Variants in LMF1 observed in about 807,000 individuals in gnomAD.
LMF1 encodes the protein lipase maturation factor 1.
Under a neutral mutation model 60.6 loss-of-function variants are expected in LMF1, and 68 were observed. That is an observed-to-expected ratio of 1.12 (90% CI 0.92 to 1.37). The LOEUF is 1.37. Ranked by LOEUF, LMF1 falls within the 40% of genes most tolerant of loss-of-function variation. The pLI is 0.00. For missense variants in LMF1, 948 were observed against 767.2 expected (o/e 1.24, Z -2.78); for synonymous variants, 418 against 324.7 (o/e 1.29, Z -3.09).
At chr16:856,524 C>G (rs528132376) in intron 10 of LMF1, among the ~76,000 whole-genome samples, 1 of 152,210 alleles carries the variant, frequency 6.6e-6, no homozygotes, top group African/African-American at 2.4e-5. Context: ...CTGGGAAGGC[C>G]TCCTGCAGTG....
At chr16:925,650 A>C (rs2071571676) in intron 3 of LMF1, among the ~76,000 whole-genome samples, 1 of 152,144 alleles carries the variant, frequency 6.6e-6, no homozygotes, top group Non-Finnish European at 1.5e-5. Flanking sequence ...TGGGAGGATC[A>C]CTTGAGTCTG....
At chr16:925,184 A>C (rs2071559924) in intron 3 of LMF1, among the ~76,000 whole-genome samples, 1 of 152,242 alleles carries the variant, frequency 6.6e-6, no homozygotes, top group Non-Finnish European at 1.5e-5. Flanking sequence ...AGCAGATGCC[A>C]CCAAACATCC....
Position 854,552 on chromosome 16 carries a change from G to A in LMF1, c.1684C>T (p.Pro562Ser). 3.1e-6 allele frequency: 5 copies of A among 1,608,268 alleles called. No individual in the cohort carries two copies. The highest frequency in any genetic ancestry group is 1.3e-5 in the African/African-American group (1 of 74,972). Residue 562 changes from proline to serine, a missense_variant, in exon 11 of 11, where the codon CCT (proline) becomes TCT (serine). Physicochemically the swap from Pro to Ser is moderately conservative, Grantham distance 74. Coordinates refer to ENST00000262301, the MANE Select transcript of LMF1 (RefSeq NM_022773.4). ...CACGTCTAGAGGGGCCCGGGCAGAG[G>A]CCACCCACGGTCCCTGAAGTAGGGC... ...LRPYFRDRGW[P>S]LPGPL is the part of the protein sequence containing the mutation.
At chr16:976,680 C>G (rs1309926430) in intron 1 of LMF1, 1 of 454,116 alleles carries the variant, frequency 2.2e-6, no homozygotes, top group Non-Finnish European at 4.4e-6. Context: ...CGGATAGGCC[C>G]AGCCAGAAGC....
intron 3 of LMF1, among the ~76,000 whole-genome samples, chr16:918,197 A>G (rs1339648721): frequency 6.6e-6 from 1 of 152,186 alleles, no homozygotes; most frequent in African/African-American, 2.4e-5. Context: ...GGACTGTTAC[A>G]TATTTTAAGG....
chr16:858,982 G>GGTGTGCAGTGGTGTCACGGGACGC (rs1555439660), intron 10 of LMF1, among the ~76,000 whole-genome samples: 460 of 10,824 alleles, frequency 0.042, 169 homozygotes, highest in Middle Eastern at 0.21. Context: ...TCACGGGACG[G>GGTGTGCAGTGGTGTCACGGGACGC]GTGTGCAGTG....
intron 3 of LMF1, chr16:933,752 G>A: frequency 2.8e-6 from 1 of 357,960 alleles, no homozygotes. Context: ...TCCCGGCCCT[G>A]TCCTGTCCAC....
chr16:935,522 G>T (rs937858431), intron 2 of LMF1, among the ~76,000 whole-genome samples: 28 of 150,930 alleles, frequency 1.9e-4, no homozygotes, highest in African/African-American at 5.9e-4. Flanking sequence ...AAGAAAAATT[G>T]TCTTGGGCCA....
Position 870,186 on chromosome 16 carries a change from C to T in LMF1, c.1233-120G>A, listed in dbSNP as rs2069740846. On this transcript the variant is annotated intron_variant, in intron 8 of 10. Transcript: ENST00000262301. ...GGCCCAGGGGGAGGGCTACAGCCTCCACCTGCCTCCTGGTCAGGGGCTACT... is the reference window on the plus strand; with the variant it reads ...GGCCCAGGGGGAGGGCTACAGCCTCTACCTGCCTCCTGGTCAGGGGCTACT... 23 of 1,143,488 alleles carry T rather than the reference C, an allele frequency of 2.0e-5. 1 individual carries two copies. Among genetic ancestry groups the T allele is most frequent in the South Asian group, 2.0e-4 (13 of 66,018 alleles). 70.8% of individuals were successfully genotyped at this position (1,143,488 alleles called of 1,614,324 possible).
intron 3 of LMF1, among the ~76,000 whole-genome samples, chr16:922,015 AGC>A (rs913486853): frequency 6.6e-6 from 1 of 152,154 alleles, no homozygotes; most frequent in Non-Finnish European, 1.5e-5. Context: ...CCTGGAAACC[AGC>A]GTTCCCCCAC....
At chr16:923,247 G>A (rs1310200479) in intron 3 of LMF1, among the ~76,000 whole-genome samples, 3 of 152,234 alleles carry the variant, frequency 2.0e-5, no homozygotes, top group Non-Finnish European at 4.4e-5. Context: ...GGCAAGGAGT[G>A]TGGGGCGGAT....
At chr16:971,525 T>TC (rs1041104215), upstream of LMF1, among the ~76,000 whole-genome samples, 66 of 152,284 alleles carry the variant, frequency 4.3e-4, no homozygotes, top group African/African-American at 1.2e-3. Flanking sequence ...CTCCCCTTTC[T>TC]CCCAGCCTGA....
intron 2 of LMF1, among the ~76,000 whole-genome samples, chr16:945,704 G>T (rs2072221293): frequency 6.6e-6 from 1 of 152,202 alleles, no homozygotes; most frequent in African/African-American, 2.4e-5. Flanking sequence ...AGAAGTAGAA[G>T]GCATTGGCAG....
At chr16:881,104 C>T (rs1320989480) in intron 5 of LMF1, among the ~76,000 whole-genome samples, 3 of 152,202 alleles carry the variant, frequency 2.0e-5, no homozygotes, top group Admixed American at 2.0e-4. Flanking sequence ...TCGGGGCCCC[C>T]AGGTGGCAGA....
intron 2 of LMF1, among the ~76,000 whole-genome samples, chr16:946,905 C>T (rs907947086): frequency 1.3e-5 from 2 of 152,234 alleles, no homozygotes; most frequent in African/African-American, 4.8e-5. Context: ...CACCAGCAGA[C>T]ACACACAGGC....
At chr16:934,542 TA>T (rs1283997901) in intron 2 of LMF1, 2 of 436,946 alleles carry the variant, frequency 4.6e-6, no homozygotes, top group Non-Finnish European at 8.4e-6. Flanking sequence ...AATTAATACT[TA>T]TTTTTTTGCA....
chr16:864,687 G>A (rs1192700059), intron 10 of LMF1, among the ~76,000 whole-genome samples: 1 of 149,882 alleles, frequency 6.7e-6, no homozygotes, highest in Non-Finnish European at 1.5e-5. Context: ...TTGAGATAGG[G>A]TCTTGTGTCG....
Position 954,340 on chromosome 16 carries a change from C to A in LMF1, c.503+17G>T. On this transcript the variant is annotated intron_variant, in intron 2 of 10. Coordinates refer to ENST00000262301, the MANE Select transcript of LMF1 (RefSeq NM_022773.4). ...CAGCAAGCCCTAAGCTCCGACCGCC[C>A]CATTCCTGCTACTCACCAGACATGG... 2 of 1,608,822 alleles carry A rather than the reference C, an allele frequency of 1.2e-6. No homozygotes were observed. Among genetic ancestry groups the A allele is most frequent in the Non-Finnish European group, 1.7e-6 (2 of 1,178,298 alleles).
At chr16:936,263 G>A (rs1207492798) in intron 2 of LMF1, among the ~76,000 whole-genome samples, 5 of 145,600 alleles carry the variant, frequency 3.4e-5, no homozygotes, top group Admixed American at 6.8e-5. Context: ...AGGGCACCCC[G>A]TGGGCTGAGG....
Sources: gnomAD v4.1 joint callset for allele counts (sites outside exome capture counted in the v4.1 genomes callset) on GRCh38, gnomAD v4.1.1 for gene constraint, MANE v1.5 for transcripts, NCBI Gene and HGNC (gene_info 2026-07-23, HGNC 2026-07-21) for gene names.